Variants in TSPAN32 observed in about 807,000 individuals in gnomAD.
The protein encoded by TSPAN32 is tetraspanin-32.
In TSPAN32, 47 loss-of-function variants were observed where a neutral mutation model predicts 42.7. The observed-to-expected ratio is 1.10, with a 90% CI of 0.87 to 1.40. The LOEUF is 1.40. Ranked by LOEUF, TSPAN32 falls within the 40% of genes most tolerant of loss-of-function variation. The pLI is 0.00. For missense variants in TSPAN32, 469 were observed against 424.1 expected (o/e 1.11, Z -0.93); for synonymous variants, 175 against 175.9 (o/e 0.99, Z 0.04).
At chr11:2,303,670 C>T (rs1847900927) in intron 2 of TSPAN32, among the ~76,000 whole-genome samples, 1 of 152,108 alleles carries the variant, frequency 6.6e-6, no homozygotes, top group South Asian at 2.1e-4. Flanking sequence ...GGACCAGGGC[C>T]TCCCTGGAGG....
intron 7 of TSPAN32, 62 bp downstream of exon 7, chr11:2,316,374 C>A: frequency 6.4e-7 from 1 of 1,552,050 alleles, no homozygotes; most frequent in African/African-American, 1.4e-5. Flanking sequence ...GCCCAGCCCC[C>A]GACTCAGATG....
chr11:2,316,330 T>G lies in TSPAN32; in HGVS notation c.627+18T>G. The G allele has an allele frequency of 6.3e-7, 1 of 1,582,448 alleles. No homozygotes were observed. The highest frequency in any genetic ancestry group is 8.6e-7 in the Non-Finnish European group (1 of 1,168,466). On this transcript the variant is annotated intron_variant, in intron 7 of 9. Coordinates refer to ENST00000182290, the MANE Select transcript of TSPAN32 (RefSeq NM_139022.3). ...CCCTCACGGTACCCTCTCGCCTCCCTCACTGCCCCTTCCCACCTCCTGCCC... is the reference window on the plus strand; with the variant it reads ...CCCTCACGGTACCCTCTCGCCTCCCGCACTGCCCCTTCCCACCTCCTGCCC...
intron 4 of TSPAN32, among the ~76,000 whole-genome samples, chr11:2,312,809 T>C (rs4930080): frequency 0.1 from 15,766 of 152,014 alleles, 1,195 homozygotes; most frequent in African/African-American, 0.2. Context: ...CAGCATGGCA[T>C]TTGGGGGAGA....
At chr11:2,309,742 G>A (rs559110012) in intron 4 of TSPAN32, among the ~76,000 whole-genome samples, 22 of 152,300 alleles carry the variant, frequency 1.4e-4, no homozygotes, top group Middle Eastern at 6.8e-3. Context: ...GCTCTGCAGG[G>A]GGCCTGCTGT....
In TSPAN32 at chr11:2,314,549, A is replaced by T. The variant is rs1454294824; in HGVS notation, c.521A>T (p.Gln174Leu). The change falls in exon 6 of 10, where the codon CAG (glutamine) becomes CTG (leucine). Residue 174 changes from glutamine (Q) to leucine (L), a missense_variant. Gln to Leu is a moderately radical substitution (Grantham distance 113). Coordinates refer to ENST00000182290, the MANE Select transcript of TSPAN32 (RefSeq NM_139022.3). Reference protein sequence around the residue: ...RLGSTEADLCQGEEAAREDCL... With the variant: ...RLGSTEADLCLGEEAAREDCL... ...GGGAGCACAGAGGCTGACCTGTGTC[A>T]GGGAGAGGAGGCGGCGAGAGAGGTG... is the stretch of plus-strand genomic sequence containing the variant. 1 of 1,611,354 alleles carries T rather than the reference A, an allele frequency of 6.2e-7. No homozygotes were observed.
At chr11:2,315,559 G>A (rs2133377923) in intron 6 of TSPAN32, 2 of 1,171,788 alleles carry the variant, frequency 1.7e-6, no homozygotes, top group African/African-American at 1.6e-5. Context: ...CAGGCGGCAG[G>A]CACGGAGCCA....
At position 2,315,624 on chromosome 11, in the gene TSPAN32, A is replaced by G. The variant is rs1184209111; in HGVS notation, c.544-605A>G. 13 of 1,182,956 alleles carry G rather than the reference A, an allele frequency of 1.1e-5. No individual in the cohort carries two copies. The East Asian group carries it at 7.7e-4, about 70-fold the overall frequency. 73.3% of individuals were successfully genotyped at this position (1,182,956 alleles called of 1,614,324 possible). A position where few individuals can be genotyped will look rare whatever the true frequency, so the allele number is the denominator to read the frequency against. Reference sequence around the variant, plus strand: ...GGCAGACCTGCCTGCGGGGGACAGGAGGGTGAGCCCTGAGACCCTGCGGAG... The same window carrying G: ...GGCAGACCTGCCTGCGGGGGACAGGGGGGTGAGCCCTGAGACCCTGCGGAG... On this transcript the variant is annotated intron_variant, in intron 6 of 9. Transcript: ENST00000182290.
intron 4 of TSPAN32, chr11:2,309,255 A>G: frequency 2.2e-6 from 1 of 444,918 alleles, no homozygotes; most frequent in Non-Finnish European, 4.8e-6. Flanking sequence ...AGACGGTACC[A>G]GTGGGGAAGG....
chr11:2,306,282 G>A (rs1320403667), intron 3 of TSPAN32, among the ~76,000 whole-genome samples: 5 of 151,782 alleles, frequency 3.3e-5, no homozygotes, highest in South Asian at 2.1e-4. Flanking sequence ...CCACCCCTCC[G>A]GCCTCTCCCC....
Position 2,302,075 on chromosome 11 carries a change from G to A in TSPAN32, c.-75G>A, listed in dbSNP as rs564849421. On this transcript the variant is annotated 5_prime_UTR_variant, in exon 1 of 10. Coordinates refer to ENST00000182290, the MANE Select transcript of TSPAN32 (RefSeq NM_139022.3). The stretch of plus-strand genomic sequence containing the variant: ...GCCTACCTCCTGGGCAGTGAGCTGC[G>A]GTCTGAGGCCCCTGCCCAGCTGGAA... The A allele has an allele frequency of 4.0e-6, 6 of 1,491,106 alleles. No individual in the cohort carries two copies. The highest frequency in any genetic ancestry group is 2.8e-5 in the South Asian group (2 of 70,916). 92.4% of individuals were successfully genotyped at this position (1,491,106 alleles called of 1,614,324 possible). A position where few individuals can be genotyped will look rare whatever the true frequency, so the allele number is the denominator to read the frequency against.
At chr11:2,305,574 C>T (rs1848034306) in intron 3 of TSPAN32, among the ~76,000 whole-genome samples, 1 of 152,246 alleles carries the variant, frequency 6.6e-6, no homozygotes, top group Non-Finnish European at 1.5e-5. Context: ...GGCCACGGGG[C>T]TCCTGTCCCA....
Position 2,304,950 on chromosome 11 carries a change from T to C in TSPAN32, c.279+746T>C, listed in dbSNP as rs1348986552. 2.0e-5 allele frequency among the ~76,000 whole-genome samples: 3 copies of C among 152,128 alleles called. No homozygotes were observed. Among genetic ancestry groups the C allele is most frequent in the Admixed American group, 2.0e-4 (3 of 15,272 alleles). ...CTCCCTGGCGCCCCGGGCTCCCACC[T>C]GTCCCTCTAGCCTCCCGTCTCCCCT... On this transcript the variant is annotated intron_variant, in intron 3 of 9. Transcript: ENST00000182290. The surrounding 1 kb of genome is among the most constrained non-coding windows in gnomAD (Gnocchi z 4.8).
chr11:2,317,201 C>G lies in TSPAN32; in HGVS notation c.720-143C>G. 1.5e-6 allele frequency: 1 copy of G among 682,238 alleles called. No individual in the cohort carries two copies. The highest frequency in any genetic ancestry group is 1.8e-5 in the South Asian group (1 of 54,616). 42.3% of individuals were successfully genotyped at this position (682,238 alleles called of 1,614,324 possible). On this transcript the variant is annotated intron_variant, in intron 8 of 9. Transcript: ENST00000182290. The surrounding 1 kb of genome is among the most constrained non-coding windows in gnomAD (Gnocchi z 6.2). ...ATTCTGCAACAGCCTCACAGTCCCC[C>G]TAGAACATTCCACAGCAGCTCCATA...
chr11:2,316,164 GAGGCCGCTTGTCC>G (rs769228714), intron 6 of TSPAN32, 52 bp from the exon 7 acceptor site: 2 of 1,513,376 alleles, frequency 1.3e-6, no homozygotes, highest in South Asian at 1.3e-5. Context: ...TGGCCCCACA[GAGGCCGCTTGTCC>G]AGGCAGGGAG....
intron 4 of TSPAN32, among the ~76,000 whole-genome samples, chr11:2,311,376 A>G (rs1848449136): frequency 6.6e-6 from 1 of 152,084 alleles, no homozygotes. Context: ...AGGGCTATTA[A>G]TTACGTTCTC....
At chr11:2,315,177 C>CCCCCTCCCTGCTCCCCTCCCCGCT in intron 6 of TSPAN32, 2 of 739,138 alleles carry the variant, frequency 2.7e-6, no homozygotes, top group Non-Finnish European at 3.6e-6. Flanking sequence ...GCCCACCCTG[C>CCCCCTCCCTGCTCCCCTCCCCGCT]CCCCTCCCTG....
At chr11:2,303,162 C>T in intron 2 of TSPAN32, 2 of 574,810 alleles carry the variant, frequency 3.5e-6, no homozygotes, top group Middle Eastern at 4.6e-4. Flanking sequence ...AGTGTTCCTG[C>T]CTGGTTCTCG....
In TSPAN32 at chr11:2,317,756, C is replaced by T. The variant is rs924936882; in HGVS notation, c.902-107C>T. On this transcript the variant is annotated intron_variant, in intron 9 of 9. Coordinates refer to ENST00000182290, the MANE Select transcript of TSPAN32 (RefSeq NM_139022.3). The surrounding 1 kb of genome is among the most constrained non-coding windows in gnomAD (Gnocchi z 6.2). ...CAGACTGCAAGACACTGGTGGCCCA[C>T]GGCCTGGAGGGCTCCACCCAGACAC... is the stretch of plus-strand genomic sequence containing the variant. 47 of 1,532,692 alleles carry T rather than the reference C, an allele frequency of 3.1e-5. No homozygotes were observed. The highest frequency in any genetic ancestry group is 1.8e-4 in the Admixed American group (8 of 45,522). The allele number at this position is 1,532,692 out of a possible 1,614,324, so 94.9% of individuals were successfully genotyped here. A position where few individuals can be genotyped will look rare whatever the true frequency, so the allele number is the denominator to read the frequency against.
intron 2 of TSPAN32, 176 bp downstream of exon 2, chr11:2,303,134 C>T (rs55645818): frequency 2.1e-4 from 128 of 597,834 alleles, no homozygotes; most frequent in African/African-American, 1.9e-3. Flanking sequence ...GGCAGGGCCT[C>T]GGGTCTGGGT....
Sources: allele counts gnomAD v4.1 joint callset (sites outside exome capture counted in the v4.1 genomes callset), GRCh38; gene constraint gnomAD v4.1.1; non-coding constraint Gnocchi (gnomAD v3.1); transcripts MANE v1.5; gene names NCBI Gene and HGNC (gene_info 2026-07-23, HGNC 2026-07-21).